Variants in CDC14B observed in about 807,000 individuals in gnomAD.
The protein encoded by CDC14B is dual specificity protein phosphatase CDC14B.
Under a neutral mutation model 64.2 loss-of-function variants are expected in CDC14B, and 22 were observed. The ratio of observed to expected loss-of-function variants is 0.34; its 90% CI spans 0.24 to 0.49. The LOEUF is 0.49. Ranked by LOEUF, CDC14B falls within the 20% of genes least tolerant of loss-of-function variation. CDC14B has a pLI of 0.99. For missense variants in CDC14B, 498 were observed against 629.9 expected (o/e 0.79, Z 2.24); for synonymous variants, 191 against 215.8 (o/e 0.89, Z 1.01).
chr9:96,551,116 T>TTTTTTTTTTTTTTTTTTTC (rs1841762116), intron 5 of CDC14B, among the ~76,000 whole-genome samples: 1 of 136,958 alleles, frequency 7.3e-6, no homozygotes, highest in South Asian at 2.6e-4. Flanking sequence ...GTTTGCTTTT[T>TTTTTTTTTTTTTTTTTTTC]TTTTTTTTTT....
rs568089375 is a variant in CDC14B at position 96,589,869 on chromosome 9, G to A, written c.161-24386C>T. Among the ~76,000 whole-genome samples, 3 of 151,838 alleles carry A rather than the reference G, an allele frequency of 2.0e-5. No homozygotes were observed. In the South Asian group the frequency reaches 6.2e-4, roughly 32 times the overall value. Reference sequence around the variant, plus strand: ...CCAGCTACTCAGAAGGCTGAGGCAGGAGAATGGCGTGAACCCGGGAGGCAG... The same window carrying A: ...CCAGCTACTCAGAAGGCTGAGGCAGAAGAATGGCGTGAACCCGGGAGGCAG... On this transcript the variant is annotated intron_variant, in intron 1 of 13. Coordinates refer to ENST00000375241, the MANE Select transcript of CDC14B (RefSeq NM_033331.4).
Position 96,515,833 on chromosome 9 carries a change from G to A in CDC14B, c.1344-6044C>T. 6.6e-7 allele frequency: 1 copy of A among 1,523,476 alleles called. No homozygotes were observed. The highest frequency in any genetic ancestry group is 1.3e-5 in the South Asian group (1 of 79,018). The allele number at this position is 1,523,476 out of a possible 1,614,324, so 94.4% of individuals were successfully genotyped here. On this transcript the variant is annotated intron_variant, in intron 12 of 13. Transcript: ENST00000375241. The surrounding 1 kb of genome is among the most constrained non-coding windows in gnomAD (Gnocchi z 4.3). ...GGGGAAAGAACAGATGTTCAAATTG[G>A]GAAGCCAAAATAAATTACGCAATCA... is the stretch of plus-strand genomic sequence containing the variant.
At chr9:96,498,684 C>G (rs563249244), downstream of CDC14B, among the ~76,000 whole-genome samples, 87 of 152,294 alleles carry the variant, frequency 5.7e-4, no homozygotes, top group South Asian at 0.018. Flanking sequence ...AGAAAATGAC[C>G]TAAAATATAT....
intron 4 of CDC14B, among the ~76,000 whole-genome samples, chr9:96,558,753 C>T (rs1465604617): frequency 1.3e-5 from 2 of 152,236 alleles, no homozygotes. Context: ...ATCCCTCAAT[C>T]TGGCCAGGTC....
In CDC14B at chr9:96,533,989, A is replaced by G. The variant is rs1413092479; in HGVS notation, c.884T>C (p.Ile295Thr). The G allele has an allele frequency of 6.2e-7, 1 of 1,613,122 alleles. No individual in the cohort carries two copies. Among genetic ancestry groups the G allele is most frequent in the African/African-American group, 1.3e-5 (1 of 74,918 alleles). The change falls in exon 9 of 14, where the codon ATT becomes ACT. Residue 295 changes from isoleucine (I) to threonine (T), a missense_variant. By Grantham distance (89) the Ile-to-Thr change is moderately conservative. Transcript: ENST00000375241. ...ACAGATATCTAGGAATTCTTTGACA[A>G]TGGCATCAGTAGGGGTGCTGCCATC... ...FADGSTPTDA[I>T]VKEFLDICEN... is the part of the protein sequence containing the mutation.
chr9:96,617,452 C>A (rs112673526), intron 1 of CDC14B, among the ~76,000 whole-genome samples: 4 of 152,000 alleles, frequency 2.6e-5, no homozygotes, highest in African/African-American at 7.3e-5. Flanking sequence ...TAAATCCATA[C>A]GTACTTGTTA....
chr9:96,511,186 T>C (rs1053864365), intron 12 of CDC14B, among the ~76,000 whole-genome samples: 3 of 152,150 alleles, frequency 2.0e-5, no homozygotes, highest in African/African-American at 7.2e-5. Context: ...GGCCTTAAAA[T>C]AGGCTAAGAT....
intron 4 of CDC14B, among the ~76,000 whole-genome samples, chr9:96,557,813 A>G (rs921053963): frequency 2.0e-5 from 3 of 152,216 alleles, no homozygotes; most frequent in African/African-American, 7.2e-5. Flanking sequence ...AGCTCTACCA[A>G]AGTAATCTAT....
intron 11 of CDC14B, 68 bp from the exon 12 acceptor site, chr9:96,522,671 G>A (rs777625522): frequency 7.2e-6 from 7 of 973,830 alleles, no homozygotes; most frequent in Non-Finnish European, 1.2e-5. Context: ...CAGCAGAGCA[G>A]CAATTTATCC....
chr9:96,589,414 T>C (rs1335509153), intron 1 of CDC14B, among the ~76,000 whole-genome samples: 1 of 152,190 alleles, frequency 6.6e-6, no homozygotes, highest in East Asian at 1.9e-4. Flanking sequence ...GAATTCTGTT[T>C]ATGCTTAATC....
intron 5 of CDC14B, among the ~76,000 whole-genome samples, chr9:96,549,747 G>C (rs1314231103): frequency 1.3e-5 from 2 of 152,080 alleles, no homozygotes; most frequent in African/African-American, 4.8e-5. Context: ...CCACAAAGCT[G>C]AATGGTTTCT....
At chr9:96,593,025 A>C (rs951245451) in intron 1 of CDC14B, among the ~76,000 whole-genome samples, 4 of 152,228 alleles carry the variant, frequency 2.6e-5, no homozygotes, top group African/African-American at 9.6e-5. Context: ...GTTTGCCGTA[A>C]GAGTTGTTAA....
chr9:96,563,707 G>T (rs1322718340), intron 3 of CDC14B, among the ~76,000 whole-genome samples: 4 of 150,248 alleles, frequency 2.7e-5, no homozygotes, highest in Non-Finnish European at 5.9e-5. Context: ...ATACATTTTT[G>T]GTTGACCCAA....
At chr9:96,604,470 T>A (rs1053362613) in intron 1 of CDC14B, among the ~76,000 whole-genome samples, 3 of 151,286 alleles carry the variant, frequency 2.0e-5, no homozygotes, top group Non-Finnish European at 4.4e-5. Flanking sequence ...AACCTCCGCC[T>A]CCCGGGATCA....
rs150912398 is a variant in CDC14B, at chr9:96,493,539, A to T, written c.*81-287T>A. On this transcript the variant is annotated intron_variant and NMD_transcript_variant, in intron 13 of 13. Transcript: ENST00000474602. ...TTTTATTATCAAATAAGATACAGAT[A>T]AAAGTGCAAAACTAGACTGGGCATG... is the stretch of plus-strand genomic sequence containing the variant. Among the ~76,000 whole-genome samples the T allele has an allele frequency of 1.4e-4, 22 of 152,360 alleles. No individual in the cohort carries two copies. In the South Asian group the frequency reaches 1.4e-3, roughly 10 times the overall value.
chr9:96,563,084 T>C (rs1413984151), intron 3 of CDC14B, among the ~76,000 whole-genome samples: 1 of 152,160 alleles, frequency 6.6e-6, no homozygotes, highest in African/African-American at 2.4e-5. Flanking sequence ...CCACCTTTCC[T>C]TCTGTTTGGT....
At chr9:96,558,761 G>A (rs1464927286) in intron 4 of CDC14B, among the ~76,000 whole-genome samples, 1 of 152,154 alleles carries the variant, frequency 6.6e-6, no homozygotes, top group Admixed American at 6.5e-5. Context: ...ATCTGGCCAG[G>A]TCATAGCCAC....
chr9:96,496,299 G>A (rs891244956), downstream of CDC14B: 1 of 514,386 alleles, frequency 1.9e-6, no homozygotes, highest in Non-Finnish European at 3.9e-6. Context: ...AGTCCTTGTG[G>A]ATCCCGAGCC....
chr9:96,537,004 GT>G (rs1839368491), intron 7 of CDC14B, among the ~76,000 whole-genome samples: 2 of 152,232 alleles, frequency 1.3e-5, no homozygotes, highest in South Asian at 4.1e-4. Flanking sequence ...AAGAAATTTT[GT>G]GTGGTTGGGT....
Sources: allele counts gnomAD v4.1 joint callset (sites outside exome capture counted in the v4.1 genomes callset), GRCh38; gene constraint gnomAD v4.1.1; non-coding constraint Gnocchi (gnomAD v3.1); transcripts MANE v1.5; gene names NCBI Gene and HGNC (gene_info 2026-07-23, HGNC 2026-07-21).